The following BCL6 variants were observed in gnomAD, a reference collection of about 807,000 sequenced individuals.
BCL6 encodes B-cell lymphoma 6 protein.
In BCL6, 7 loss-of-function variants were observed where a neutral mutation model predicts 59.5. The observed-to-expected ratio is 0.12, with a 90% CI of 0.07 to 0.22. The LOEUF (loss-of-function observed/expected upper bound fraction) is 0.22. BCL6 is among the 10% of genes least tolerant of loss of function. The pLI is 1.00. For missense variants in BCL6, 685 were observed against 939.4 expected (o/e 0.73, Z 3.54); for synonymous variants, 339 against 349.7 (o/e 0.97, Z 0.34).
At chr3:187,743,278 A>T (rs1711680742) in intron 1 of BCL6, among the ~76,000 whole-genome samples, 1 of 150,960 alleles carries the variant, frequency 6.6e-6, no homozygotes, top group African/African-American at 2.4e-5. Flanking sequence ...CCTCCTGGAA[A>T]CTATAAACTG....
chr3:187,725,738 T>A lies in BCL6; in HGVS notation c.1709-109A>T. On this transcript the variant is annotated intron_variant, in intron 7 of 9. Transcript: ENST00000406870. This position sits in a 1 kb window ranked among gnomAD's most constrained non-coding sequence, Gnocchi z 4.7. ...GCCTGCTCCTCCCTGAGGCCACTTGTGTTTTCCTTTCCCTTAGGGAATGTG... is the reference window on the plus strand; with the variant it reads ...GCCTGCTCCTCCCTGAGGCCACTTGAGTTTTCCTTTCCCTTAGGGAATGTG... 2 of 1,370,866 alleles carry A rather than the reference T, an allele frequency of 1.5e-6. No homozygotes were observed. The highest frequency in any genetic ancestry group is 2.0e-6 in the Non-Finnish European group (2 of 1,001,264). The allele number at this position is 1,370,866 out of a possible 1,614,324, so 84.9% of individuals were successfully genotyped here. A position where few individuals can be genotyped will look rare whatever the true frequency, so the allele number is the denominator to read the frequency against.
intron 1 of BCL6, among the ~76,000 whole-genome samples, chr3:187,743,246 A>G (rs1311386924): frequency 6.6e-6 from 1 of 152,048 alleles, no homozygotes; most frequent in Admixed American, 6.6e-5. Context: ...AGAAGAGAAA[A>G]AGTAAAGCGT....
intron 1 of BCL6, 64 bp downstream of exon 1, chr3:187,745,346 C>CAGCGGCAACAGCGGCGGCGGCGGCAGT: frequency 5.0e-6 from 2 of 401,706 alleles, no homozygotes; most frequent in Non-Finnish European, 4.4e-6. Flanking sequence ...GCAGCGGCAC[C>CAGCGGCAACAGCGGCGGCGGCGGCAGT]AGCGGCAACA....
intron 1 of BCL6, among the ~76,000 whole-genome samples, chr3:187,735,283 C>A (rs577607094): frequency 6.6e-6 from 1 of 152,162 alleles, no homozygotes. Flanking sequence ...AATAACGATT[C>A]GTCCGTGGCC....
At chr3:187,744,573 A>G (rs2108483833) in intron 1 of BCL6, among the ~76,000 whole-genome samples, 2 of 152,120 alleles carry the variant, frequency 1.3e-5, no homozygotes, top group East Asian at 3.9e-4. Context: ...TGGATTTATG[A>G]CCAAAAAAAC....
In BCL6 at chr3:187,721,568, C is replaced by G. The variant is rs1718412861; in HGVS notation, c.*890G>C. 4.3e-6 allele frequency: 1 copy of G among 233,370 alleles called. No homozygotes were observed. The highest frequency in any genetic ancestry group is 6.0e-5 in the East Asian group (1 of 16,540). The allele number at this position is 233,370 out of a possible 1,614,324, so 14.5% of individuals were successfully genotyped here. A position where few individuals can be genotyped will look rare whatever the true frequency, so the allele number is the denominator to read the frequency against. On this transcript the variant is annotated 3_prime_UTR_variant, in exon 10 of 10. Coordinates refer to ENST00000406870, the MANE Select transcript of BCL6 (RefSeq NM_001706.5). This position sits in a 1 kb window ranked among gnomAD's most constrained non-coding sequence, Gnocchi z 4.2. ...AACTTCAAGTCCCTGTGTCTGCCTACACTTCAAAAAGGGATGGTGCACGCT... is the reference window on the plus strand; with the variant it reads ...AACTTCAAGTCCCTGTGTCTGCCTAGACTTCAAAAAGGGATGGTGCACGCT...
Position 187,729,531 on chromosome 3 carries a change from G to A in BCL6, c.874C>T (p.Pro292Ser), listed in dbSNP as rs1292171577. The change falls in exon 5 of 10, where the codon CCC becomes TCC. Residue 292 changes from proline to serine, a missense_variant. Pro to Ser is a moderately conservative substitution (Grantham distance 74). Around this residue, in one of 7 missense-constraint regions of BCL6, gnomAD observed 268 missense variants for 263.8 expected, o/e 1.02. Coordinates refer to ENST00000406870, the MANE Select transcript of BCL6 (RefSeq NM_001706.5). This position sits in a 1 kb window ranked among gnomAD's most constrained non-coding sequence, Gnocchi z 5.6. ...CTGGCCTTGTCACAAGGGAAGTAGGGGGCATTTCGGGCTGAGGGGGCAGCA... is the reference window on the plus strand; with the variant it reads ...CTGGCCTTGTCACAAGGGAAGTAGGAGGCATTTCGGGCTGAGGGGGCAGCA... The part of the protein sequence containing the change: ...KPAAPSARNA[P>S]YFPCDKASKE... 1.2e-6 allele frequency: 2 copies of A among 1,613,790 alleles called. No homozygotes were observed. The highest frequency in any genetic ancestry group is 1.7e-6 in the Non-Finnish European group (2 of 1,180,002).
In BCL6 at chr3:187,721,630, G is replaced by A. The variant is rs946761164; in HGVS notation, c.*828C>T. ...GAAAACTTCCGTGAAAAAAGGCACC[G>A]TGAGGACACGTTGTACGGGTATATA... On this transcript the variant is annotated 3_prime_UTR_variant, in exon 10 of 10. Coordinates refer to ENST00000406870, the MANE Select transcript of BCL6 (RefSeq NM_001706.5). The surrounding 1 kb of genome is among the most constrained non-coding windows in gnomAD (Gnocchi z 4.2). 2.1e-5 allele frequency: 5 copies of A among 232,914 alleles called. No individual in the cohort carries two copies. The highest frequency in any genetic ancestry group is 5.6e-5 in the Admixed American group (1 of 17,754). The allele number at this position is 232,914 out of a possible 1,614,324, so 14.4% of individuals were successfully genotyped here.
chr3:187,733,728 G>A (rs764271868), intron 2 of BCL6, 25 bp from the exon 3 acceptor site: 1 of 1,611,382 alleles, frequency 6.2e-7, no homozygotes, highest in South Asian at 1.1e-5. Context: ...CCAAAATCCT[G>A]TTAGTCCTCC....
At chr3:187,736,674 A>C (rs1206654096) in intron 1 of BCL6, 1 of 152,152 alleles carries the variant, frequency 6.6e-6, no homozygotes, top group Non-Finnish European at 1.5e-5. Flanking sequence ...CTGGCCAAAA[A>C]CAAATGTACA....
In BCL6 at chr3:187,728,461, G is replaced by C; in HGVS notation, c.1439C>G (p.Ser480Cys). The C allele has an allele frequency of 6.2e-7, 1 of 1,612,310 alleles. No homozygotes were observed. The highest frequency in any genetic ancestry group is 2.2e-5 in the East Asian group (1 of 44,810). ...MHPPKCTSCG[S>C]QSPQHAEMCL... ...CATCTCTGCATGCTGTGGGGACTGA[G>C]AGCCGCAGGACGTGCACTTCGGGGG... Residue 480 changes from serine to cysteine, a missense_variant, in exon 6 of 10, where the codon TCT becomes TGT. Physicochemically the swap from Ser to Cys is moderately radical, Grantham distance 112. Coordinates refer to ENST00000406870, the MANE Select transcript of BCL6 (RefSeq NM_001706.5).
At position 187,745,433 on chromosome 3, in the gene BCL6, A is replaced by G. The variant is rs1711910514; in HGVS notation, c.-73T>C. 2 of 399,614 alleles carry G rather than the reference A, an allele frequency of 5.0e-6. No individual in the cohort carries two copies. Among genetic ancestry groups the G allele is most frequent in the Admixed American group, 4.4e-5 (1 of 22,704 alleles). The allele number at this position is 399,614 out of a possible 1,614,324, so 24.8% of individuals were successfully genotyped here. On this transcript the variant is annotated 5_prime_UTR_variant, in exon 1 of 10. Transcript: ENST00000406870. ...ACCTGGTGTCCGGCCTTTCCTAGAA[A>G]CTTCTTGCATCACCACTTCTAAGAA...
chr3:187,723,688 T>G (rs905934745), intron 9 of BCL6, among the ~76,000 whole-genome samples: 1 of 152,216 alleles, frequency 6.6e-6, no homozygotes, highest in Non-Finnish European at 1.5e-5. Flanking sequence ...GTGTAAACTC[T>G]CTGGTCTTGG....
chr3:187,742,057 G>C (rs1711619812), intron 1 of BCL6, among the ~76,000 whole-genome samples: 1 of 151,644 alleles, frequency 6.6e-6, no homozygotes, highest in Non-Finnish European at 1.5e-5. Flanking sequence ...TTCCCTACTT[G>C]ATAAACTTCA....
chr3:187,742,055 T>C (rs1414234243), intron 1 of BCL6, among the ~76,000 whole-genome samples: 1 of 152,222 alleles, frequency 6.6e-6, no homozygotes, highest in Non-Finnish European at 1.5e-5. Context: ...TCTTCCCTAC[T>C]TGATAAACTT....
rs1029899242 is a variant in BCL6, at chr3:187,733,147, G to A, written c.161+386C>T. Among the ~76,000 whole-genome samples the A allele has an allele frequency of 2.8e-4, 43 of 152,130 alleles. 2 individuals carry two copies. The highest frequency in any genetic ancestry group is 1.5e-5 in the Non-Finnish European group (1 of 68,030). On this transcript the variant is annotated intron_variant, in intron 3 of 9. Transcript: ENST00000406870. ...GTAGCAAAAAATAAATACATTTATA[G>A]CATAAAAGAGCAAAACATTTCAAAT...
At position 187,725,775 on chromosome 3, in the gene BCL6, C is replaced by A. The variant is rs1394557678; in HGVS notation, c.1709-146G>T. On this transcript the variant is annotated intron_variant, in intron 7 of 9. Coordinates refer to ENST00000406870, the MANE Select transcript of BCL6 (RefSeq NM_001706.5). This position sits in a 1 kb window ranked among gnomAD's most constrained non-coding sequence, Gnocchi z 4.7. ...CCTTAGGGAATGTGAGAGAGAGAAT[C>A]CAGGGGCCTGCCCCCACATCTGTCA... The A allele has an allele frequency of 2.9e-6, 3 of 1,048,712 alleles. No individual in the cohort carries two copies. The highest frequency in any genetic ancestry group is 1.6e-5 in the African/African-American group (1 of 62,176). 65.0% of individuals were successfully genotyped at this position (1,048,712 alleles called of 1,614,324 possible). A position where few individuals can be genotyped will look rare whatever the true frequency, so the allele number is the denominator to read the frequency against.
At chr3:187,745,146 T>C (rs1239646414) in intron 1 of BCL6, among the ~76,000 whole-genome samples, 3 of 151,990 alleles carry the variant, frequency 2.0e-5, no homozygotes, top group South Asian at 2.1e-4. Context: ...TACATAACAA[T>C]CTATATCCTA....
intron 1 of BCL6, among the ~76,000 whole-genome samples, chr3:187,744,621 C>T (rs1239284630): frequency 2.0e-5 from 3 of 152,136 alleles, no homozygotes; most frequent in Non-Finnish European, 4.4e-5. Flanking sequence ...GCATTTTTTC[C>T]TTCCAAATCT....
Sources: gnomAD v4.1 joint callset for allele counts (sites outside exome capture counted in the v4.1 genomes callset) on GRCh38, gnomAD v4.1.1 for gene constraint, gnomAD v4.1.1 regional missense constraint, Gnocchi (gnomAD v3.1) non-coding constraint, MANE v1.5 for transcripts, NCBI Gene and HGNC (gene_info 2026-07-23, HGNC 2026-07-21) for gene names.